GLIS1: variants seen among roughly 807,000 people sequenced by gnomAD.
The protein encoded by GLIS1 is GLIS family zinc finger 1.
A neutral mutation model predicts 63.8 loss-of-function variants in GLIS1; 24 were observed. The ratio of observed to expected loss-of-function variants is 0.38; its 90% CI spans 0.27 to 0.53. The LOEUF (loss-of-function observed/expected upper bound fraction) is 0.53, where lower values mean the gene tolerates loss of function less well. Among genes scored for constraint, GLIS1 ranks in the 20% least tolerant of loss-of-function variants. The pLI, the probability that GLIS1 is intolerant of heterozygous loss-of-function variation, is 0.85. For synonymous variants in GLIS1, 450 were observed against 482.5 expected (o/e 0.93, Z 0.88); for missense variants, 1,036 against 1,074.1 (o/e 0.96, Z 0.50).
chr1:53,507,356 A>G (rs1182696634), intron 10 of GLIS1, among the ~76,000 whole-genome samples: 1 of 152,178 alleles, frequency 6.6e-6, no homozygotes, highest in Non-Finnish European at 1.5e-5. Flanking sequence ...CTAAGGTCAC[A>G]GTGTGAGTAA....
intron 2 of GLIS1, among the ~76,000 whole-genome samples, chr1:53,619,012 C>T (rs1284675126): frequency 6.6e-6 from 1 of 152,226 alleles, no homozygotes; most frequent in African/African-American, 2.4e-5. Context: ...AATGTTCTGT[C>T]GTCTTCTAAT....
intron 3 of GLIS1, among the ~76,000 whole-genome samples, chr1:53,597,507 C>G (rs1040967888): frequency 7.2e-5 from 11 of 152,076 alleles, no homozygotes; most frequent in African/African-American, 2.7e-4. Context: ...AAAGGAGTCA[C>G]TCAGGAAACC....
At chr1:53,513,822 G>A (rs976176595) in intron 8 of GLIS1, among the ~76,000 whole-genome samples, 45 of 152,328 alleles carry the variant, frequency 3.0e-4, no homozygotes, top group African/African-American at 1.0e-3. Flanking sequence ...CAAATGTGGC[G>A]ATGAAGCCAG....
chr1:53,528,076 C>T (rs1278144856), intron 5 of GLIS1, among the ~76,000 whole-genome samples: 1 of 152,026 alleles, frequency 6.6e-6, no homozygotes, highest in Non-Finnish European at 1.5e-5. Flanking sequence ...CTTGTGGCCT[C>T]TGGGAGACAT....
rs1644282598 is a variant in GLIS1 at position 53,509,998 on chromosome 1, A to G, written c.1913T>C (p.Val638Ala). ...GLGPGLLSPI[V>A]SPLKGLGPPP... Reference sequence around the variant, plus strand: ...TGGCCCCAGCCCCTTCAGGGGGCTGACTATTGGTGAGAGGAGGCCGGGCCC... The same window carrying G: ...TGGCCCCAGCCCCTTCAGGGGGCTGGCTATTGGTGAGAGGAGGCCGGGCCC... The change falls in exon 9 of 11, where the codon GTC (valine) becomes GCC (alanine). Residue 638 changes from valine to alanine, a missense_variant. Physicochemically the swap from Val to Ala is moderately conservative, Grantham distance 64 (BLOSUM62 0). Coordinates refer to ENST00000628545, the MANE Select transcript of GLIS1 (RefSeq NM_001367484.1). 2 of 1,282,512 alleles carry G rather than the reference A, an allele frequency of 1.6e-6. No individual in the cohort carries two copies. Among genetic ancestry groups the G allele is most frequent in the African/African-American group, 3.0e-5 (2 of 66,062 alleles). 79.4% of individuals were successfully genotyped at this position (1,282,512 alleles called of 1,614,324 possible).
intron 1 of GLIS1, 29 bp from the exon 2 acceptor site, chr1:53,738,135 A>G (rs1646931576): frequency 8.4e-7 from 1 of 1,190,930 alleles, no homozygotes; most frequent in Non-Finnish European, 1.1e-6. Context: ...ACAGCCAGTT[A>G]GAATGCGGAA....
At chr1:53,568,343 A>G (rs1644954074) in intron 4 of GLIS1, among the ~76,000 whole-genome samples, 2 of 152,104 alleles carry the variant, frequency 1.3e-5, no homozygotes, top group African/African-American at 4.8e-5. Flanking sequence ...TGTAGCCCCT[A>G]TTGTATATTG....
At chr1:53,709,869 C>G (rs1048748518) in intron 2 of GLIS1, among the ~76,000 whole-genome samples, 1 of 152,158 alleles carries the variant, frequency 6.6e-6, no homozygotes, top group Admixed American at 6.5e-5. Context: ...ACAGAGTGGA[C>G]AGCTGAATGG....
chr1:53,614,406 G>A lies in GLIS1; in HGVS notation c.260-14128C>T, dbSNP rs578186336. ...GGAAGCAGCAGGGTACAAAGGACCC[G>A]AGGCTGGAGTGCGTTCCAGGGCGGG... On this transcript the variant is annotated intron_variant, in intron 2 of 10. Transcript: ENST00000628545. Among the ~76,000 whole-genome samples the A allele has an allele frequency of 7.6e-4, 115 of 152,260 alleles. 2 individuals carry two copies. The highest frequency in any genetic ancestry group is 2.6e-3 in the African/African-American group (109 of 41,544).
chr1:53,736,227 A>G (rs928969842), intron 2 of GLIS1, among the ~76,000 whole-genome samples: 2 of 152,222 alleles, frequency 1.3e-5, no homozygotes, highest in African/African-American at 4.8e-5. Context: ...TCCTGACTTA[A>G]AGATCTTTTA....
chr1:53,564,674 T>A (rs1644922164), intron 4 of GLIS1, among the ~76,000 whole-genome samples: 1 of 152,016 alleles, frequency 6.6e-6, no homozygotes, highest in African/African-American at 2.4e-5. Context: ...ACCATACAAT[T>A]ACTATTCAAA....
intron 2 of GLIS1, among the ~76,000 whole-genome samples, chr1:53,732,389 C>A (rs1646870895): frequency 6.6e-6 from 1 of 152,170 alleles, no homozygotes. Context: ...AGCCACAAAA[C>A]TACTTTTCCC....
At chr1:53,535,252 T>C (rs1644570693) in intron 4 of GLIS1, among the ~76,000 whole-genome samples, 2 of 152,056 alleles carry the variant, frequency 1.3e-5, no homozygotes, top group Admixed American at 6.5e-5. Context: ...AGGACTGATG[T>C]GGCACAGGCT....
intron 4 of GLIS1, among the ~76,000 whole-genome samples, chr1:53,572,876 G>A (rs1462811658): frequency 6.6e-6 from 1 of 152,284 alleles, no homozygotes; most frequent in Non-Finnish European, 1.5e-5. Flanking sequence ...TCCTAGCTGC[G>A]CCTCTGCTTG....
At chr1:53,512,861 G>A (rs749512700) in intron 8 of GLIS1, among the ~76,000 whole-genome samples, 2 of 151,936 alleles carry the variant, frequency 1.3e-5, no homozygotes, top group Admixed American at 6.6e-5. Context: ...TTTTCGGCTG[G>A]TTGGTGGGTG....
At chr1:53,663,829 G>C (rs1168551378) in intron 2 of GLIS1, among the ~76,000 whole-genome samples, 1 of 152,220 alleles carries the variant, frequency 6.6e-6, no homozygotes, top group African/African-American at 2.4e-5. Context: ...GGCAGCCCCA[G>C]GCAATAGCCT....
chr1:53,716,947 G>A lies in GLIS1; in HGVS notation c.259+20859C>T, dbSNP rs113710040. On this transcript the variant is annotated intron_variant, in intron 2 of 10. Transcript: ENST00000628545. ...ACATCAACAGAAAATTTCAGAACAC[G>A]AGAGAGAGACAGAAAATTCATAAAC... Among the ~76,000 whole-genome samples the A allele has an allele frequency of 7.5e-3, 1,142 of 152,278 alleles. 20 individuals carry two copies. The highest frequency in any genetic ancestry group is 0.025 in the African/African-American group (1,026 of 41,556).
At chr1:53,628,280 A>C (rs185029199) in intron 2 of GLIS1, among the ~76,000 whole-genome samples, 1 of 152,192 alleles carries the variant, frequency 6.6e-6, no homozygotes, top group East Asian at 1.9e-4. Flanking sequence ...TGTTTGTCTT[A>C]TTTGTCACTA....
In GLIS1 at chr1:53,630,545, G is replaced by T. The variant is rs74936131; in HGVS notation, c.260-30267C>A. On this transcript the variant is annotated intron_variant, in intron 2 of 10. Coordinates refer to ENST00000628545, the MANE Select transcript of GLIS1 (RefSeq NM_001367484.1). The stretch of plus-strand genomic sequence containing the variant: ...GAGTCTCACTCTGTTGCCCAGGCTG[G>T]AGTGCAATGGCACAATCTTGGCTCA... Among the ~76,000 whole-genome samples, 41 of 151,566 alleles carry T rather than the reference G, an allele frequency of 2.7e-4. No individual in the cohort carries two copies. The East Asian group carries it at 7.0e-3, about 26-fold the overall frequency.
Sources: allele counts gnomAD v4.1 joint callset (sites outside exome capture counted in the v4.1 genomes callset), GRCh38; gene constraint gnomAD v4.1.1; transcripts MANE v1.5; gene names NCBI Gene and HGNC (gene_info 2026-07-23, HGNC 2026-07-21).